Variants in COL27A1 observed in about 807,000 individuals in gnomAD.
The protein encoded by COL27A1 is collagen type XXVII alpha 1 chain.
A neutral mutation model predicts 251.3 loss-of-function variants in COL27A1; 106 were observed. The ratio of observed to expected loss-of-function variants is 0.42; its 90% CI spans 0.36 to 0.50. COL27A1 has a LOEUF of 0.50. COL27A1 is among the 20% of genes least tolerant of loss of function. The probability of loss-of-function intolerance (pLI) is 0.00; values close to 1 mark genes in which losing one functional copy is unlikely to be tolerated. For missense variants in COL27A1, 2,325 were observed against 2,522.8 expected, an observed-to-expected ratio of 0.92 and a Z score of 1.68; for synonymous variants, 1,000 against 986.3, an observed-to-expected ratio of 1.01 and a Z score of -0.26.
chr9:114,219,165 G>C (rs1205594850), intron 12 of COL27A1, among the ~76,000 whole-genome samples: 2 of 152,284 alleles, frequency 1.3e-5, no homozygotes, highest in East Asian at 3.9e-4. Context: ...CTCCAGAGTG[G>C]GGTCAGGGAT....
chr9:114,175,045 G>T (rs540029731), intron 3 of COL27A1, among the ~76,000 whole-genome samples: 1 of 152,270 alleles, frequency 6.6e-6, no homozygotes. Flanking sequence ...TCATTGCTTG[G>T]CAGGCAGAGG....
At chr9:114,201,571 G>T (rs1178329967) in intron 7 of COL27A1, among the ~76,000 whole-genome samples, 1 of 152,304 alleles carries the variant, frequency 6.6e-6, no homozygotes, top group Admixed American at 6.5e-5. Context: ...CCTAGAAATT[G>T]TATATCCCAA....
Position 114,306,668 on chromosome 9 carries a change from G to A in COL27A1, c.5087G>A (p.Cys1696Tyr), listed in dbSNP as rs143879431. Reference protein sequence around the residue: ...PARVCRDLMDCEQKMVDGTYW... With the variant: ...PARVCRDLMDYEQKMVDGTYW... ...CGGGTCTGCAGGGACCTCATGGACTGTGAGCAGAAGATGGTGGATGGTGAG... is the reference window on the plus strand; with the variant it reads ...CGGGTCTGCAGGGACCTCATGGACTATGAGCAGAAGATGGTGGATGGTGAG... The change falls in exon 58 of 61, where the codon TGT (cysteine) becomes TAT (tyrosine). Residue 1696 changes from cysteine to tyrosine, a missense_variant. By Grantham distance (194) the Cys-to-Tyr change is radical (BLOSUM62 -2). This residue lies in a region of COL27A1 where 327 missense variants were observed against 442.8 expected (regional missense o/e 0.74). Transcript: ENST00000356083. The A allele has an allele frequency of 1.2e-6, 2 of 1,613,804 alleles. No individual in the cohort carries two copies. The highest frequency in any genetic ancestry group is 1.7e-6 in the Non-Finnish European group (2 of 1,179,954).
intron 12 of COL27A1, among the ~76,000 whole-genome samples, chr9:114,211,991 G>A (rs1167892847): frequency 1.3e-5 from 2 of 152,226 alleles, no homozygotes; most frequent in Admixed American, 6.5e-5. Flanking sequence ...TGGAGCATTC[G>A]AGAGTGCTCA....
chr9:114,300,695 C>T lies in COL27A1; in HGVS notation c.4701+8C>T. The T allele has an allele frequency of 6.7e-7, 1 of 1,498,298 alleles. No individual in the cohort carries two copies. Among genetic ancestry groups the T allele is most frequent in the Non-Finnish European group, 8.9e-7 (1 of 1,125,542 alleles). The allele number at this position is 1,498,298 out of a possible 1,614,324, so 92.8% of individuals were successfully genotyped here. On this transcript the variant is annotated splice_region_variant and intron_variant, in intron 51 of 60. Transcript: ENST00000356083. ...GGGCCACCTGGCTTGATGGTGAGTT[C>T]CCTCCCTGCTGTCGGAGCAGAGATG...
chr9:114,210,958 C>A, intron 11 of COL27A1, 24 bp from the exon 12 acceptor site: 1 of 1,613,912 alleles, frequency 6.2e-7, no homozygotes, highest in Non-Finnish European at 8.5e-7. Context: ...CTGCCCTGAC[C>A]TCTCCCCTGT....
chr9:114,232,081 T>G (rs1406243899), intron 16 of COL27A1, among the ~76,000 whole-genome samples: 3 of 152,106 alleles, frequency 2.0e-5, no homozygotes, highest in Non-Finnish European at 4.4e-5. Context: ...CCTCAGCAGA[T>G]AGTGCAGGAG....
chr9:114,305,063 C>T (rs1362309117), intron 57 of COL27A1, among the ~76,000 whole-genome samples: 1 of 152,224 alleles, frequency 6.6e-6, no homozygotes, highest in South Asian at 2.1e-4. Context: ...GCTCGTGGGG[C>T]TCTGCTAAGA....
At chr9:114,240,950 T>A (rs1216074184) in intron 21 of COL27A1, among the ~76,000 whole-genome samples, 1 of 152,240 alleles carries the variant, frequency 6.6e-6, no homozygotes, top group African/African-American at 2.4e-5. Flanking sequence ...CCAAAGCCCA[T>A]GACATACGTC....
At chr9:114,300,574 C>T (rs762434659) in intron 50 of COL27A1, 51 bp from the exon 51 acceptor site, 5 of 1,476,966 alleles carry the variant, frequency 3.4e-6, no homozygotes, top group Non-Finnish European at 3.6e-6. Context: ...TGTGGGGGCC[C>T]TTTACCCAGT....
Position 114,292,184 on chromosome 9 carries a change from G to T in COL27A1, c.4558G>T (p.Gly1520Trp), listed in dbSNP as rs1019044363. 6.4e-7 allele frequency: 1 copy of T among 1,556,674 alleles called. No individual in the cohort carries two copies. The highest frequency in any genetic ancestry group is 1.9e-5 in the Admixed American group (1 of 51,586). ...CAGAACGGGGCTCCCTGGAAACCAG[G>T]GGGAGCCTGGGTCCAAAGGCCAGCC... ...EGRTGLPGNQ[G>W]EPGSKGQPGD... The change falls in exon 49 of 61, where the codon GGG (glycine) becomes TGG (tryptophan). Residue 1520 changes from glycine to tryptophan, a missense_variant. By Grantham distance (184) the Gly-to-Trp change is radical. Coordinates refer to ENST00000356083, the MANE Select transcript of COL27A1 (RefSeq NM_032888.4).
chr9:114,309,230 G>A, intron 59 of COL27A1, 30 bp from the exon 60 acceptor site: 1 of 1,603,964 alleles, frequency 6.2e-7, no homozygotes, highest in East Asian at 2.2e-5. Flanking sequence ...GGGGCAGCCT[G>A]AGCCGCTCAC....
intron 3 of COL27A1, among the ~76,000 whole-genome samples, chr9:114,175,485 C>T (rs1827356994): frequency 6.6e-6 from 1 of 152,226 alleles, no homozygotes. Flanking sequence ...AGGGTCCAGC[C>T]CGTGGCTAGC....
At position 114,250,565 on chromosome 9, in the gene COL27A1, G is replaced by A. The variant is rs200367449; in HGVS notation, c.2980-50G>A. On this transcript the variant is annotated intron_variant, in intron 24 of 60. Transcript: ENST00000356083. Reference sequence around the variant, plus strand: ...TTCAGGGGAAGGAGCGGGAGGGCTGGGTCCCCGGATTCACGTTGTTTCTCT... The same window carrying A: ...TTCAGGGGAAGGAGCGGGAGGGCTGAGTCCCCGGATTCACGTTGTTTCTCT... The A allele has an allele frequency of 3.8e-6, 6 of 1,560,796 alleles. No individual in the cohort carries two copies. In the African/African-American group the frequency reaches 6.8e-5, roughly 18 times the overall value.
chr9:114,232,635 C>T (rs1345098102), intron 16 of COL27A1, among the ~76,000 whole-genome samples: 4 of 152,342 alleles, frequency 2.6e-5, no homozygotes, highest in South Asian at 2.1e-4. Context: ...GCCAGCCCCT[C>T]ATGTGGTCAG....
chr9:114,238,140 G>C (rs975249439), intron 19 of COL27A1, among the ~76,000 whole-genome samples: 3 of 152,204 alleles, frequency 2.0e-5, no homozygotes, highest in Non-Finnish European at 4.4e-5. Flanking sequence ...GGGAGCAAGA[G>C]GTAAATGCAA....
chr9:114,231,200 A>G (rs527625987), intron 15 of COL27A1, 68 bp downstream of exon 15: 13 of 1,443,854 alleles, frequency 9.0e-6, no homozygotes, highest in East Asian at 2.3e-5. Context: ...ATTTCAGCCC[A>G]GAAGGAAGGG....
chr9:114,256,805 G>A (rs780563505), intron 27 of COL27A1, among the ~76,000 whole-genome samples: 1 of 152,206 alleles, frequency 6.6e-6, no homozygotes, highest in Non-Finnish European at 1.5e-5. Flanking sequence ...TGGCATGTGA[G>A]CCCGGGTTCT....
Position 114,169,468 on chromosome 9 carries a change from G to T in COL27A1, c.1908+5G>T, listed in dbSNP as rs1280445456. 1 of 1,520,798 alleles carries T rather than the reference G, an allele frequency of 6.6e-7. No homozygotes were observed. Among genetic ancestry groups the T allele is most frequent in the African/African-American group, 1.4e-5 (1 of 72,180 alleles). The allele number at this position is 1,520,798 out of a possible 1,614,324, so 94.2% of individuals were successfully genotyped here. A position where few individuals can be genotyped will look rare whatever the true frequency, so the allele number is the denominator to read the frequency against. On this transcript the variant is annotated splice_donor_5th_base_variant and intron_variant, in intron 3 of 60. Coordinates refer to ENST00000356083, the MANE Select transcript of COL27A1 (RefSeq NM_032888.4). ...AAGGGAGACTGTGGCTTGCCGGTAA[G>T]ACTGAGTGGGGTCTGCATGCTGCTT...
Sources: allele counts gnomAD v4.1 joint callset (sites outside exome capture counted in the v4.1 genomes callset), GRCh38; gene constraint gnomAD v4.1.1; regional missense constraint gnomAD v4.1.1; transcripts MANE v1.5; gene names NCBI Gene and HGNC (gene_info 2026-07-23, HGNC 2026-07-21).